Variants in LRRC7 observed in about 807,000 individuals in gnomAD.
LRRC7 encodes leucine rich repeat containing 7.
Under a neutral mutation model 175.7 loss-of-function variants are expected in LRRC7, and 23 were observed. That is an observed-to-expected ratio of 0.13 (90% CI 0.09 to 0.19). The LOEUF (loss-of-function observed/expected upper bound fraction) is 0.19, where lower values mean the gene tolerates loss of function less well. Among genes scored for constraint, LRRC7 ranks in the 10% least tolerant of loss-of-function variants. The pLI is 1.00. For synonymous variants in LRRC7, 685 were observed against 680.9 expected, an observed-to-expected ratio of 1.01 and a Z score of -0.09; for missense variants, 1,354 against 1,904.7, an observed-to-expected ratio of 0.71 and a Z score of 5.38.
intron 17 of LRRC7, among the ~76,000 whole-genome samples, chr1:70,025,240 ATAAT>A (rs1337452693): frequency 3.4e-5 from 5 of 149,078 alleles, no homozygotes; most frequent in South Asian, 2.1e-4. Flanking sequence ...ATAATATTTA[ATAAT>A]TAATCATTTA....
rs992445895 is a variant in LRRC7 at position 69,896,615 on chromosome 1, C to T, written c.648-34892C>T. 2.0e-5 allele frequency among the ~76,000 whole-genome samples: 3 copies of T among 152,112 alleles called. No homozygotes were observed. The East Asian group carries it at 5.8e-4, about 29-fold the overall frequency. On this transcript the variant is annotated intron_variant, in intron 7 of 26. Coordinates refer to ENST00000651989, the MANE Select transcript of LRRC7 (RefSeq NM_001370785.2). ...CAGTGCCTGACTGGTATGCCTGTTT[C>T]TTATTTCAAAGCCTTATTACTATTC...
intron 17 of LRRC7, among the ~76,000 whole-genome samples, chr1:70,027,440 A>G (rs1658239261): frequency 6.6e-6 from 1 of 152,190 alleles, no homozygotes; most frequent in Non-Finnish European, 1.5e-5. Flanking sequence ...GGAAATAAGT[A>G]GCTGGATAGA....
At chr1:69,960,653 G>A (rs1359546040) in intron 8 of LRRC7, among the ~76,000 whole-genome samples, 1 of 151,182 alleles carries the variant, frequency 6.6e-6, no homozygotes, top group Non-Finnish European at 1.5e-5. Flanking sequence ...CATTGCTTTG[G>A]CTGTGTCCCA....
rs182897915 is a variant in LRRC7, at chr1:69,576,983, C to T, written c.2+8342C>T. Among the ~76,000 whole-genome samples the T allele has an allele frequency of 2.1e-4, 32 of 152,244 alleles. 1 individual carries two copies. The highest frequency in any genetic ancestry group is 1.5e-3 in the South Asian group (7 of 4,824). On this transcript the variant is annotated intron_variant, in intron 1 of 26. Coordinates refer to ENST00000651989, the MANE Select transcript of LRRC7 (RefSeq NM_001370785.2). ...TATTTAATGAGCGGTTATTTACACA[C>T]GTAATATAAGGAGGATGGACGTTTT...
intron 4 of LRRC7, among the ~76,000 whole-genome samples, chr1:69,809,588 G>A (rs916326836): frequency 6.6e-6 from 1 of 152,122 alleles, no homozygotes; most frequent in Non-Finnish European, 1.5e-5. Context: ...CATCAAGTTG[G>A]CTTCATCCCT....
chr1:69,989,509 G>T (rs1180158354), intron 10 of LRRC7, among the ~76,000 whole-genome samples: 4 of 152,006 alleles, frequency 2.6e-5, no homozygotes, highest in Admixed American at 2.6e-4. Flanking sequence ...ATATAGTCAG[G>T]TATAAAATTT....
chr1:69,883,127 C>T (rs1204808022), intron 7 of LRRC7, among the ~76,000 whole-genome samples: 1 of 151,902 alleles, frequency 6.6e-6, no homozygotes, highest in East Asian at 1.9e-4. Context: ...GGGTATATAC[C>T]CAGTAATGGG....
At position 70,046,329 on chromosome 1, in the gene LRRC7, C is replaced by T. The variant is rs564144870; in HGVS notation, c.4110+2235C>T. Reference sequence around the variant, plus strand: ...CTAGAGAATGGACTCACTATTACTGCGAGCTCTAAGAAGAAATAATACAGA... The same window carrying T: ...CTAGAGAATGGACTCACTATTACTGTGAGCTCTAAGAAGAAATAATACAGA... On this transcript the variant is annotated intron_variant, in intron 22 of 26. Coordinates refer to ENST00000651989, the MANE Select transcript of LRRC7 (RefSeq NM_001370785.2). 5.3e-5 allele frequency among the ~76,000 whole-genome samples: 8 copies of T among 152,076 alleles called. No homozygotes were observed. In the South Asian group the frequency reaches 6.2e-4, roughly 12 times the overall value.
intron 4 of LRRC7, among the ~76,000 whole-genome samples, chr1:69,793,550 G>A (rs1388397944): frequency 1.3e-5 from 2 of 151,838 alleles, no homozygotes; most frequent in Non-Finnish European, 2.9e-5. Context: ...TTTCTTAAAT[G>A]TACTGTCAAA....
chr1:69,753,298 G>A (rs981854270), intron 2 of LRRC7, among the ~76,000 whole-genome samples: 10 of 143,172 alleles, frequency 7.0e-5, no homozygotes, highest in South Asian at 6.3e-4. Flanking sequence ...GTGTGTGTAT[G>A]TGTGTGTGTG....
chr1:69,635,457 T>C (rs2100400594), intron 1 of LRRC7, among the ~76,000 whole-genome samples: 1 of 152,226 alleles, frequency 6.6e-6, no homozygotes, highest in Non-Finnish European at 1.5e-5. Flanking sequence ...GAATCTAAAA[T>C]AGATAATAGA....
chr1:69,823,671 G>A (rs191719825), intron 4 of LRRC7, among the ~76,000 whole-genome samples: 73 of 152,102 alleles, frequency 4.8e-4, no homozygotes, highest in Admixed American at 3.9e-3. Flanking sequence ...AATTTTATAC[G>A]TTTATACCTG....
chr1:69,770,026 C>G (rs1001283315), intron 3 of LRRC7, among the ~76,000 whole-genome samples: 3 of 152,136 alleles, frequency 2.0e-5, no homozygotes, highest in African/African-American at 7.2e-5. Context: ...GAGTTCTAGA[C>G]TGCTGCTCAG....
chr1:69,836,451 A>AT (rs1343916882), intron 6 of LRRC7, among the ~76,000 whole-genome samples: 2 of 152,038 alleles, frequency 1.3e-5, no homozygotes, highest in Admixed American at 6.6e-5. Flanking sequence ...CTTAAGATAC[A>AT]TTTTTTTCTT....
rs770888731 is a variant in LRRC7 at position 69,568,658 on chromosome 1, C to A, written c.2+17C>A. Reference sequence around the variant, plus strand: ...GCCGGCGATGTGAGTAAGGCACGCTCGCTCCGTGGCGGAGGGTGCTGCGGG... The same window carrying A: ...GCCGGCGATGTGAGTAAGGCACGCTAGCTCCGTGGCGGAGGGTGCTGCGGG... On this transcript the variant is annotated intron_variant, in intron 1 of 26. Transcript: ENST00000651989. 1.5e-6 allele frequency: 2 copies of A among 1,336,374 alleles called. No individual in the cohort carries two copies. Among genetic ancestry groups the A allele is most frequent in the Non-Finnish European group, 9.9e-7 (1 of 1,010,460 alleles). 82.8% of individuals were successfully genotyped at this position (1,336,374 alleles called of 1,614,324 possible).
chr1:69,608,981 T>C (rs1368716122), intron 1 of LRRC7, among the ~76,000 whole-genome samples: 3 of 149,252 alleles, frequency 2.0e-5, no homozygotes, highest in Non-Finnish European at 4.4e-5. Flanking sequence ...AATATGTTCA[T>C]ATTACCTAAC....
At chr1:69,583,631 C>T (rs1646285615) in intron 1 of LRRC7, among the ~76,000 whole-genome samples, 1 of 152,120 alleles carries the variant, frequency 6.6e-6, no homozygotes, top group Admixed American at 6.6e-5. Context: ...TTTATAATTT[C>T]TCACTTCCTC....
At chr1:69,861,636 G>T (rs1423319819) in intron 7 of LRRC7, among the ~76,000 whole-genome samples, 1 of 152,178 alleles carries the variant, frequency 6.6e-6, no homozygotes, top group Non-Finnish European at 1.5e-5. Context: ...AGAAAATCAA[G>T]TTCAAGGATA....
Position 70,042,580 on chromosome 1 carries a change from AAC to A in LRRC7, c.3970-1373_3970-1372del, listed in dbSNP as rs1205148195. ...AGATGCTTGTTTCCTCTTTTAGTTT[AAC>A]CACAAGACCCATGCTTTCACTGCAG... On this transcript the variant is annotated intron_variant, in intron 21 of 26. Coordinates refer to ENST00000651989, the MANE Select transcript of LRRC7 (RefSeq NM_001370785.2). 5.3e-5 allele frequency among the ~76,000 whole-genome samples: 8 copies of A among 152,206 alleles called. No individual in the cohort carries two copies. The East Asian group carries it at 1.3e-3, about 26-fold the overall frequency.
Sources: allele counts gnomAD v4.1 joint callset (sites outside exome capture counted in the v4.1 genomes callset), GRCh38; gene constraint gnomAD v4.1.1; transcripts MANE v1.5; gene names NCBI Gene and HGNC (gene_info 2026-07-23, HGNC 2026-07-21).